Variants in SARS1 observed in about 807,000 individuals in gnomAD.
The protein encoded by SARS1 is serine--tRNA ligase, cytoplasmic.
In SARS1, 25 loss-of-function variants were observed where a neutral mutation model predicts 63.7. The observed-to-expected ratio is 0.39, with a 90% confidence interval of 0.29 to 0.55. The LOEUF (loss-of-function observed/expected upper bound fraction) is 0.55. Among genes scored for constraint, SARS1 ranks in the 20% least tolerant of loss-of-function variants. The pLI is 0.62. For synonymous variants in SARS1, 231 were observed against 243.5 expected (o/e 0.95, Z 0.48); for missense variants, 417 against 649.7 (o/e 0.64, Z 3.89).
intron 3 of SARS1, among the ~76,000 whole-genome samples, chr1:109,228,754 CAG>C (rs1419220087): frequency 6.6e-6 from 1 of 152,198 alleles, no homozygotes; most frequent in Non-Finnish European, 1.5e-5. Context: ...TACTGTAACA[CAG>C]TAAATATTCA....
At chr1:109,213,904 G>A (rs1052663639), upstream of SARS1, 3 of 1,465,528 alleles carry the variant, frequency 2.0e-6, no homozygotes, top group East Asian at 2.6e-5. Context: ...GGAAGGGCGG[G>A]TCAGCGCGCC....
rs1013957069 is a variant in SARS1, at chr1:109,228,512, C to G, written c.288+80C>G. ...TTCCTAGACAGCAAGTGCTCTCACTCTGCTCCACACAGCATTGTGACATCC... is the reference window on the plus strand; with the variant it reads ...TTCCTAGACAGCAAGTGCTCTCACTGTGCTCCACACAGCATTGTGACATCC... On this transcript the variant is annotated intron_variant, in intron 3 of 10. Transcript: ENST00000234677. The G allele has an allele frequency of 3.3e-6, 3 of 904,646 alleles. No homozygotes were observed. The South Asian group carries it at 4.1e-5, about 13-fold the overall frequency. The allele number at this position is 904,646 out of a possible 1,614,324, so 56.0% of individuals were successfully genotyped here.
chr1:109,231,202 G>A (rs1655204339), intron 5 of SARS1, 181 bp downstream of exon 5: 1 of 334,788 alleles, frequency 3.0e-6, no homozygotes, highest in Non-Finnish European at 5.0e-6. Flanking sequence ...TCTAAAGCAA[G>A]AGAGGGCTTA....
Sources: gnomAD v4.1 joint callset for allele counts (sites outside exome capture counted in the v4.1 genomes callset) on GRCh38, gnomAD v4.1.1 for gene constraint, MANE v1.5 for transcripts, NCBI Gene and HGNC (gene_info 2026-07-23, HGNC 2026-07-21) for gene names.